MBNL1: variants seen among roughly 807,000 people sequenced by gnomAD.
The protein encoded by MBNL1 is muscleblind-like protein 1.
In MBNL1, 8 loss-of-function variants were observed where a neutral mutation model predicts 42.2. The ratio of observed to expected loss-of-function variants is 0.19; its 90% CI spans 0.11 to 0.34. The LOEUF (loss-of-function observed/expected upper bound fraction) is 0.34, where lower values mean the gene tolerates loss of function less well. Among genes scored for constraint, MBNL1 ranks in the 10% least tolerant of loss-of-function variants. The probability of loss-of-function intolerance (pLI) is 1.00; values close to 1 mark genes in which losing one functional copy is unlikely to be tolerated. For missense variants in MBNL1, 309 were observed against 495.3 expected, an observed-to-expected ratio of 0.62 and a Z score of 3.57; for synonymous variants, 169 against 173.9, an observed-to-expected ratio of 0.97 and a Z score of 0.22.
At chr3:152,352,518 GTC>G (rs1474321990) in intron 2 of MBNL1, among the ~76,000 whole-genome samples, 1 of 151,920 alleles carries the variant, frequency 6.6e-6, no homozygotes, top group African/African-American at 2.4e-5. Context: ...ACATCGCCCT[GTC>G]TCACATTTCT....
intron 3 of MBNL1, among the ~76,000 whole-genome samples, chr3:152,424,406 G>A (rs1160409496): frequency 1.3e-5 from 2 of 152,158 alleles, no homozygotes; most frequent in South Asian, 4.2e-4. Flanking sequence ...ACAAACCACT[G>A]CTCAAGGAAA....
At chr3:152,360,878 T>C (rs1392382013) in intron 2 of MBNL1, among the ~76,000 whole-genome samples, 2 of 152,132 alleles carry the variant, frequency 1.3e-5, no homozygotes, top group Non-Finnish European at 2.9e-5. Context: ...TTTATCTAGA[T>C]TTTGCGATTC....
At chr3:152,418,820 C>T (rs916908500) in intron 3 of MBNL1, among the ~76,000 whole-genome samples, 22 of 151,458 alleles carry the variant, frequency 1.5e-4, no homozygotes, top group South Asian at 4.2e-4. Context: ...AAGTTCACAC[C>T]GTTCTCTTGC....
At chr3:152,405,950 A>T (rs971378288) in intron 2 of MBNL1, among the ~76,000 whole-genome samples, 1 of 152,184 alleles carries the variant, frequency 6.6e-6, no homozygotes, top group Non-Finnish European at 1.5e-5. Flanking sequence ...TGCTGTACTG[A>T]AAAAATAATG....
chr3:152,362,238 C>A (rs973688861), intron 2 of MBNL1, among the ~76,000 whole-genome samples: 3 of 152,190 alleles, frequency 2.0e-5, no homozygotes, highest in Non-Finnish European at 4.4e-5. Context: ...TCTGACAAAG[C>A]ACCCATTGCT....
chr3:152,409,912 TTTA>T (rs1477610497), intron 2 of MBNL1, among the ~76,000 whole-genome samples: 1 of 152,204 alleles, frequency 6.6e-6, no homozygotes, highest in Non-Finnish European at 1.5e-5. Context: ...TATTTTTTGC[TTTA>T]TTAAGTCCAA....
intron 2 of MBNL1, among the ~76,000 whole-genome samples, chr3:152,398,942 AG>A (rs753200503): frequency 7.2e-5 from 11 of 152,182 alleles, no homozygotes; most frequent in Non-Finnish European, 1.3e-4. Context: ...GTATAAATTT[AG>A]CTTCTTTTTT....
chr3:152,257,498 A>G (rs76864484), intron 2 of MBNL1, among the ~76,000 whole-genome samples: 1,828 of 147,466 alleles, frequency 0.012, 38 homozygotes, highest in African/African-American at 0.042. Context: ...TCATGTTAGG[A>G]AAAAAAAAAA....
At chr3:152,346,879 A>AT (rs1262948871) in intron 2 of MBNL1, among the ~76,000 whole-genome samples, 2 of 81,012 alleles carry the variant, frequency 2.5e-5, no homozygotes, top group Admixed American at 1.2e-4. Flanking sequence ...AATCACTTTA[A>AT]TTAAAAAAAA....
chr3:152,418,614 T>TA (rs35149542), intron 3 of MBNL1, among the ~76,000 whole-genome samples: 49,104 of 106,562 alleles, frequency 0.46, 10,988 homozygotes, highest in Non-Finnish European at 0.53. Context: ...ACCCTGTCTC[T>TA]AAAAAAAAAA....
intron 5 of MBNL1, chr3:152,446,805 A>G (rs367705938): frequency 1.6e-5 from 24 of 1,508,160 alleles, no homozygotes; most frequent in African/African-American, 2.8e-5. Context: ...TTTATTGTAG[A>G]TACAAGTTTT....
intron 2 of MBNL1, among the ~76,000 whole-genome samples, chr3:152,332,274 C>T (rs2085215740): frequency 6.6e-6 from 1 of 152,178 alleles, no homozygotes; most frequent in African/African-American, 2.4e-5. Flanking sequence ...TTTCCTCACT[C>T]ATAAGATGTC....
chr3:152,330,815 T>C (rs774138637), intron 2 of MBNL1, among the ~76,000 whole-genome samples: 2 of 152,176 alleles, frequency 1.3e-5, no homozygotes, highest in Non-Finnish European at 2.9e-5. Flanking sequence ...AATTAAACTT[T>C]ATTGTAGGTA....
At chr3:152,447,483 A>AT (rs1286067474) in intron 5 of MBNL1, 137 bp from the exon 6 acceptor site, 17 of 368,180 alleles carry the variant, frequency 4.6e-5, no homozygotes, top group African/African-American at 3.3e-4. Context: ...TGTTCATTGG[A>AT]TTTTTTCCCT....
intron 5 of MBNL1, among the ~76,000 whole-genome samples, chr3:152,446,252 T>C (rs1040726512): frequency 1.3e-5 from 2 of 152,144 alleles, no homozygotes; most frequent in African/African-American, 2.4e-5. Flanking sequence ...TTACCTGTTT[T>C]AATGTTGTCA....
At chr3:152,282,072 A>C (rs1270780403) in intron 1 of MBNL1, among the ~76,000 whole-genome samples, 2 of 152,148 alleles carry the variant, frequency 1.3e-5, no homozygotes, top group Admixed American at 1.3e-4. Context: ...GTATGAAGCT[A>C]AGGGATCCAT....
At chr3:152,450,558 C>T (rs569827371) in intron 6 of MBNL1, among the ~76,000 whole-genome samples, 1 of 152,166 alleles carries the variant, frequency 6.6e-6, no homozygotes, top group African/African-American at 2.4e-5. Flanking sequence ...AGCACAGGCT[C>T]AGTCTAAAGA....
At chr3:152,324,994 A>C (rs1476033361) in intron 2 of MBNL1, among the ~76,000 whole-genome samples, 1 of 145,350 alleles carries the variant, frequency 6.9e-6, no homozygotes, top group Non-Finnish European at 1.5e-5. Context: ...TGGGTCATCT[A>C]CTGAGACTCA....
chr3:152,402,352 T>C (rs1329689009), intron 2 of MBNL1, among the ~76,000 whole-genome samples: 1 of 152,218 alleles, frequency 6.6e-6, no homozygotes, highest in African/African-American at 2.4e-5. Flanking sequence ...CTCATTTTCA[T>C]AGAAGAGGAG....
Sources: allele counts gnomAD v4.1 joint callset (sites outside exome capture counted in the v4.1 genomes callset), GRCh38; gene constraint gnomAD v4.1.1; transcripts MANE v1.5; gene names NCBI Gene and HGNC (gene_info 2026-07-23, HGNC 2026-07-21).